Variants in KMT5C observed in about 807,000 individuals in gnomAD.
The protein encoded by KMT5C is lysine methyltransferase 5C.
Under a neutral mutation model 38.2 loss-of-function variants are expected in KMT5C, and 16 were observed. The observed-to-expected ratio is 0.42, with a 90% CI of 0.28 to 0.64. The LOEUF is 0.64. Ranked by LOEUF, KMT5C falls within the 30% of genes least tolerant of loss-of-function variation. The pLI, the probability that KMT5C is intolerant of heterozygous loss-of-function variation, is 0.23. For missense variants in KMT5C, 598 were observed against 665.1 expected (o/e 0.90, Z 1.11); for synonymous variants, 291 against 279.0 (o/e 1.04, Z -0.43).
Position 55,342,304 on chromosome 19 carries a change from C to T in KMT5C, c.200C>T (p.Ala67Val). 6 of 1,589,036 alleles carry T rather than the reference C, an allele frequency of 3.8e-6. No homozygotes were observed. The highest frequency in any genetic ancestry group is 5.1e-6 in the Non-Finnish European group (6 of 1,169,458). The change falls in exon 3 of 9, where the codon GCC (alanine) becomes GTC (valine). Residue 67 changes from alanine (A) to valine (V), a missense_variant. Physicochemically the swap from Ala to Val is moderately conservative, Grantham distance 64. Transcript: ENST00000255613. ...CGGGACCTGGAGGCTGCGTACCGGG[C>T]CCTGACGCTGGGAGGCTGGACGGCC... ...RQRDLEAAYR[A>V]LTLGGWTARY...
intron 6 of KMT5C, 97 bp from the exon 7 acceptor site, chr19:55,346,116 G>GC: frequency 1.4e-6 from 2 of 1,477,328 alleles, no homozygotes; most frequent in South Asian, 2.4e-5. Flanking sequence ...CATTCCAGGA[G>GC]AGGACGCTCC....
chr19:55,346,790 C>A, intron 8 of KMT5C, 103 bp downstream of exon 8: 1 of 1,053,694 alleles, frequency 9.5e-7, no homozygotes, highest in Non-Finnish European at 1.3e-6. Flanking sequence ...ACCCTCCCTC[C>A]CACCCTCAGT....
At chr19:55,342,115 C>G (rs550458012) in intron 2 of KMT5C, 69 bp downstream of exon 2, 8 of 1,579,456 alleles carry the variant, frequency 5.1e-6, no homozygotes, top group African/African-American at 4.0e-5. Flanking sequence ...GCTGCCGCCC[C>G]TCGGCCCTCT....
chr19:55,343,385 T>G lies in KMT5C; in HGVS notation c.387-295T>G. On this transcript the variant is annotated intron_variant, in intron 4 of 8. Coordinates refer to ENST00000255613, the MANE Select transcript of KMT5C (RefSeq NM_032701.4). This position sits in a 1 kb window ranked among gnomAD's most constrained non-coding sequence, Gnocchi z 5.5. The stretch of plus-strand genomic sequence containing the variant: ...AGGGGGTAGTCCAGGCAGGAGGGAT[T>G]TGGGGGCAGGAGGTGCTATGAGAGC... 2.3e-6 allele frequency: 1 copy of G among 442,286 alleles called. No individual in the cohort carries two copies. Among genetic ancestry groups the G allele is most frequent in the Non-Finnish European group, 4.2e-6 (1 of 240,632 alleles). 27.4% of individuals were successfully genotyped at this position (442,286 alleles called of 1,614,324 possible).
chr19:55,341,874 G>T lies in KMT5C; in HGVS notation c.-63G>T. 7.4e-7 allele frequency: 1 copy of T among 1,342,786 alleles called. No individual in the cohort carries two copies. The highest frequency in any genetic ancestry group is 1.1e-6 in the Non-Finnish European group (1 of 937,232). The allele number at this position is 1,342,786 out of a possible 1,614,324, so 83.2% of individuals were successfully genotyped here. A position where few individuals can be genotyped will look rare whatever the true frequency, so the allele number is the denominator to read the frequency against. ...GAGTCAGCACCAAGCCAGGCTCCCC[G>T]CGCCTGCCTTGCCCTCACCTGCTCC... On this transcript the variant is annotated 5_prime_UTR_variant, in exon 2 of 9. Coordinates refer to ENST00000255613, the MANE Select transcript of KMT5C (RefSeq NM_032701.4).
At position 55,346,268 on chromosome 19, in the gene KMT5C, C is replaced by G; in HGVS notation, c.626C>G (p.Pro209Arg). ...GTGAAGGTGCTCCGGGACATTGAGC[C>G]TGGGGACGAGGTGACATGCTTCTAC... is the stretch of plus-strand genomic sequence containing the variant. ...ACVKVLRDIE[P>R]GDEVTCFYGE... is the part of the protein sequence containing the mutation. Residue 209 changes from proline (P) to arginine (R), a missense_variant, in exon 7 of 9, where the codon CCT (proline) becomes CGT (arginine). Around this residue, in one of 3 missense-constraint regions of KMT5C, gnomAD observed 105 missense variants for 179.2 expected, o/e 0.59. Coordinates refer to ENST00000255613, the MANE Select transcript of KMT5C (RefSeq NM_032701.4). 1 of 1,614,026 alleles carries G rather than the reference C, an allele frequency of 6.2e-7. No homozygotes were observed. The highest frequency in any genetic ancestry group is 8.5e-7 in the Non-Finnish European group (1 of 1,179,958).
In KMT5C at chr19:55,346,597, C is replaced by T; in HGVS notation, c.805C>T (p.Gln269Ter). Reference sequence around the variant, plus strand: ...GCTGCGTGAGACCAAGCGGCGGCTGCAGCAAGGCCTGGACAGTGGCAGCCG... The same window carrying T: ...GCTGCGTGAGACCAAGCGGCGGCTGTAGCAAGGCCTGGACAGTGGCAGCCG... The part of the protein sequence containing the change: ...YQLRETKRRL[Q>*]QGLDSGSRQG... The change falls in exon 8 of 9, where the codon CAG (glutamine) becomes TAG (stop). Residue 269 changes from glutamine (Q) to a stop codon, truncating the protein, a stop_gained. Transcript: ENST00000255613. LOFTEE classifies it high-confidence loss of function. The T allele has an allele frequency of 6.3e-7, 1 of 1,577,968 alleles. No homozygotes were observed. The highest frequency in any genetic ancestry group is 8.6e-7 in the Non-Finnish European group (1 of 1,162,648).
rs1457695313 is a variant in KMT5C, at chr19:55,347,732, C to A, written c.*283C>A. 1 of 461,436 alleles carries A rather than the reference C, an allele frequency of 2.2e-6. No homozygotes were observed. Among genetic ancestry groups the A allele is most frequent in the Non-Finnish European group, 3.8e-6 (1 of 266,166 alleles). 28.6% of individuals were successfully genotyped at this position (461,436 alleles called of 1,614,324 possible). On this transcript the variant is annotated 3_prime_UTR_variant, in exon 9 of 9. Transcript: ENST00000255613. The surrounding 1 kb of genome is among the most constrained non-coding windows in gnomAD (Gnocchi z 4.6). The stretch of plus-strand genomic sequence containing the variant: ...CAGGACTGCAGGAGCCATCCGCCCC[C>A]CTCAGCCCCTTCCTCCCCAGGGAGC...
chr19:55,342,715 C>G (rs746556300), intron 3 of KMT5C, 27 bp from the exon 4 acceptor site: 1 of 1,307,732 alleles, frequency 7.6e-7, no homozygotes, highest in East Asian at 2.3e-5. Flanking sequence ...TGCCCCGCCT[C>G]CTCACCCCCA....
chr19:55,345,306 A>G (rs2089605227), intron 6 of KMT5C: 1 of 353,436 alleles, frequency 2.8e-6, no homozygotes. Context: ...ATCCGGCAGC[A>G]AGGCCTTGGG....
chr19:55,342,820 A>T lies in KMT5C; in HGVS notation c.355A>T (p.Asn119Tyr). Residue 119 changes from asparagine to tyrosine, a missense_variant, in exon 4 of 9, where the codon AAC becomes TAC. Physicochemically the swap from Asn to Tyr is moderately radical, Grantham distance 143 (BLOSUM62 -2). This residue lies in a region of KMT5C where 167 missense variants were observed against 187.8 expected (regional missense o/e 0.89). Coordinates refer to ENST00000255613, the MANE Select transcript of KMT5C (RefSeq NM_032701.4). ...CTGCACGCGCTACTCCATGGAGACC[A>T]ACGGGGCCAAGATCGTGTCCACTCG... ...LPCTRYSMET[N>Y]GAKIVSTRAW... 3.3e-5 allele frequency: 53 copies of T among 1,611,906 alleles called. No individual in the cohort carries two copies. Among genetic ancestry groups the T allele is most frequent in the Non-Finnish European group, 4.5e-5 (53 of 1,178,030 alleles).
At chr19:55,345,077 G>A (rs996073633) in intron 6 of KMT5C, 10 of 455,948 alleles carry the variant, frequency 2.2e-5, no homozygotes, top group Non-Finnish European at 2.6e-5. Context: ...GGCGGCATTC[G>A]GAGAGGCTCT....
In KMT5C at chr19:55,342,427, C is replaced by T. The variant is rs767927712; in HGVS notation, c.276+47C>T. The stretch of plus-strand genomic sequence containing the variant: ...CCGCCCTCACCGCGTGTCCTCCCCG[C>T]TCACCGGGCCTGGTCCCGCCTGGCA... On this transcript the variant is annotated intron_variant, in intron 3 of 8. Transcript: ENST00000255613. The T allele has an allele frequency of 7.3e-6, 10 of 1,378,748 alleles. No homozygotes were observed. The South Asian group carries it at 1.5e-4, about 20-fold the overall frequency. The allele number at this position is 1,378,748 out of a possible 1,614,324, so 85.4% of individuals were successfully genotyped here.
intron 2 of KMT5C, 46 bp from the exon 3 acceptor site, chr19:55,342,169 C>G (rs780337642): frequency 6.3e-7 from 1 of 1,596,210 alleles, no homozygotes; most frequent in South Asian, 1.1e-5. Flanking sequence ...GGGTTGGGGC[C>G]GGGGCCCGGG....
chr19:55,347,680 C>G lies in KMT5C; in HGVS notation c.*231C>G, dbSNP rs963920644. On this transcript the variant is annotated 3_prime_UTR_variant, in exon 9 of 9. Transcript: ENST00000255613. The surrounding 1 kb of genome is among the most constrained non-coding windows in gnomAD (Gnocchi z 4.6). ...TCCCACAGGGAGCCCCGGCCATTTG[C>G]TGCCCTCCCCACCCCTGCCCCAGCC... The G allele has an allele frequency of 1.6e-5, 10 of 611,554 alleles. No homozygotes were observed. The African/African-American group carries it at 1.9e-4, about 12-fold the overall frequency. 37.9% of individuals were successfully genotyped at this position (611,554 alleles called of 1,614,324 possible).
At chr19:55,341,210 CA>C (rs1388753426) in intron 1 of KMT5C, among the ~76,000 whole-genome samples, 9 of 152,286 alleles carry the variant, frequency 5.9e-5, no homozygotes, top group Admixed American at 2.6e-4. Flanking sequence ...CTCCCCTCCC[CA>C]CCCCCGCTTT....
intron 6 of KMT5C, chr19:55,344,386 A>G (rs1186235807): frequency 3.5e-6 from 1 of 283,514 alleles, no homozygotes; most frequent in Non-Finnish European, 6.9e-6. Context: ...AAAAGAGCCA[A>G]ATGCTGCCCC....
rs1452666998 is a variant in KMT5C, at chr19:55,347,116, C to T, written c.1056C>T (p.Ala352=). 1.3e-6 allele frequency: 2 copies of T among 1,549,860 alleles called. No homozygotes were observed. Among genetic ancestry groups the T allele is most frequent in the Non-Finnish European group, 1.7e-6 (2 of 1,154,988 alleles). Residue 352 remains alanine, a synonymous_variant, in exon 9 of 9, where the codon GCC becomes GCT. Transcript: ENST00000255613. The surrounding 1 kb of genome is among the most constrained non-coding windows in gnomAD (Gnocchi z 4.6). Reference sequence around the variant, plus strand: ...CAGTGCTCTCCACCCACCACGCTGCCCGCGTCTCCCTGCACCGATGGGGAG... The same window carrying T: ...CAGTGCTCTCCACCCACCACGCTGCTCGCGTCTCCCTGCACCGATGGGGAG... ...RAPVLSTHHA[A]RVSLHRWGGC...
chr19:55,342,661 A>G (rs570425263), intron 3 of KMT5C, 81 bp from the exon 4 acceptor site: 2 of 815,936 alleles, frequency 2.5e-6, no homozygotes, highest in East Asian at 2.6e-5. Flanking sequence ...AGTCAGTGGC[A>G]TGGCAGGCCT....
Sources: gnomAD v4.1 joint callset for allele counts (sites outside exome capture counted in the v4.1 genomes callset) on GRCh38, gnomAD v4.1.1 for gene constraint, gnomAD v4.1.1 regional missense constraint, Gnocchi (gnomAD v3.1) non-coding constraint, MANE v1.5 for transcripts, NCBI Gene and HGNC (gene_info 2026-07-23, HGNC 2026-07-21) for gene names.